Variants in RNF11 observed in about 807,000 individuals in gnomAD.
RNF11 encodes the protein ring finger protein 11.
RNF11 carries 4 observed loss-of-function variants against 15.8 expected under a neutral mutation model. That is an observed-to-expected ratio of 0.25 (90% CI 0.12 to 0.58). The LOEUF is 0.58. Ranked by LOEUF, RNF11 falls within the 20% of genes least tolerant of loss-of-function variation. The pLI is 0.91. For synonymous variants in RNF11, 68 were observed against 72.3 expected, an observed-to-expected ratio of 0.94 and a Z score of 0.30; for missense variants, 139 against 194.4, an observed-to-expected ratio of 0.71 and a Z score of 1.70.
chr1:51,250,922 G>T lies in RNF11; in HGVS notation c.123+14043G>T, dbSNP rs376949111. Reference sequence around the variant, plus strand: ...GGTGCACCAGTGCAGAGCCGCAGCGGCCTGTCACCTTGCAAGGGACGGTGT... The same window carrying T: ...GGTGCACCAGTGCAGAGCCGCAGCGTCCTGTCACCTTGCAAGGGACGGTGT... On this transcript the variant is annotated intron_variant, in intron 1 of 2. Coordinates refer to ENST00000242719, the MANE Select transcript of RNF11 (RefSeq NM_014372.5). 9 of 1,113,662 alleles carry T rather than the reference G, an allele frequency of 8.1e-6. No individual in the cohort carries two copies. In the African/African-American group the frequency reaches 1.2e-4, roughly 15 times the overall value. 69.0% of individuals were successfully genotyped at this position (1,113,662 alleles called of 1,614,324 possible).
chr1:51,262,685 T>G (rs1392116795), intron 1 of RNF11, among the ~76,000 whole-genome samples: 1 of 151,460 alleles, frequency 6.6e-6, no homozygotes, highest in Non-Finnish European at 1.5e-5. Context: ...TAGTTGGGAT[T>G]ACAGGTGTGC....
chr1:51,263,385 A>G (rs1325341578), intron 1 of RNF11, among the ~76,000 whole-genome samples: 2 of 152,222 alleles, frequency 1.3e-5, no homozygotes, highest in Non-Finnish European at 2.9e-5. Context: ...AAGTCGAGCC[A>G]CAAAAGACCA....
chr1:51,240,078 T>G (rs1646821869), intron 1 of RNF11, among the ~76,000 whole-genome samples: 1 of 152,238 alleles, frequency 6.6e-6, no homozygotes. Context: ...ACAGCCACAG[T>G]TATTTTGGTA....
At chr1:51,249,683 A>G (rs937024673) in intron 1 of RNF11, among the ~76,000 whole-genome samples, 6 of 152,136 alleles carry the variant, frequency 3.9e-5, no homozygotes, top group Non-Finnish European at 8.8e-5. Flanking sequence ...AAATTGTGTA[A>G]ATATACCACA....
At chr1:51,270,835 C>A (rs1569689728) in intron 2 of RNF11, among the ~76,000 whole-genome samples, 1 of 152,298 alleles carries the variant, frequency 6.6e-6, no homozygotes, top group African/African-American at 2.4e-5. Context: ...AAAATAATCC[C>A]ATTCTCCTTC....
chr1:51,257,511 A>G (rs577552375), intron 1 of RNF11, among the ~76,000 whole-genome samples: 8 of 152,220 alleles, frequency 5.3e-5, no homozygotes, highest in African/African-American at 7.2e-5. Flanking sequence ...ATGGAATACA[A>G]TGGCACAATC....
chr1:51,266,706 G>A (rs1035348648), intron 1 of RNF11, among the ~76,000 whole-genome samples: 10 of 152,112 alleles, frequency 6.6e-5, no homozygotes, highest in East Asian at 1.9e-4. Flanking sequence ...CAAGCTATCC[G>A]CCTGTCTTGG....
At chr1:51,238,488 C>G (rs566290141) in intron 1 of RNF11, among the ~76,000 whole-genome samples, 2 of 152,206 alleles carry the variant, frequency 1.3e-5, no homozygotes, top group East Asian at 3.9e-4. Flanking sequence ...AGGGACTCTC[C>G]CCTCGCTCAG....
Position 51,236,783 on chromosome 1 carries a change from C to G in RNF11, c.27C>G (p.Thr9=), listed in dbSNP as rs550027832. Residue 9 remains threonine, a synonymous_variant, in exon 1 of 3, where the codon ACC becomes ACG. Coordinates refer to ENST00000242719, the MANE Select transcript of RNF11 (RefSeq NM_014372.5). MGNCLKSP[T]SDDISLLHES... The stretch of plus-strand genomic sequence containing the variant: ...TGGGGAACTGCCTCAAATCCCCCAC[C>G]TCGGATGACATCTCCCTGCTTCACG... 3 of 1,613,508 alleles carry G rather than the reference C, an allele frequency of 1.9e-6. No individual in the cohort carries two copies.
chr1:51,242,325 C>CT (rs57821900), intron 1 of RNF11, among the ~76,000 whole-genome samples: 2,222 of 131,096 alleles, frequency 0.017, 20 homozygotes, highest in African/African-American at 0.024. Context: ...TTCAAGATAC[C>CT]TTTTTTTTTT....
rs202164788 is a variant in RNF11, at chr1:51,237,412, TTG to T, written c.123+545_123+546del. Reference sequence around the variant, plus strand: ...TTTAACCCTAGCGACATCGAGTTACTTGTGTGTGTGTGTATATATATATATAT... The same window carrying T: ...TTTAACCCTAGCGACATCGAGTTACTTGTGTGTGTGTATATATATATATAT... On this transcript the variant is annotated intron_variant, in intron 1 of 2. Transcript: ENST00000242719. Among the ~76,000 whole-genome samples, 976 of 143,184 alleles carry T rather than the reference TTG, an allele frequency of 6.8e-3. 14 individuals are homozygous for T. The highest frequency in any genetic ancestry group is 0.024 in the African/African-American group (907 of 37,754). 93.9% of individuals were successfully genotyped at this position (143,184 alleles called of 152,430 possible).
chr1:51,239,758 A>T (rs189570126), intron 1 of RNF11, among the ~76,000 whole-genome samples: 67 of 152,288 alleles, frequency 4.4e-4, no homozygotes, highest in Non-Finnish European at 8.5e-4. Context: ...TTTTCAACAA[A>T]TTATATGTAA....
intron 1 of RNF11, among the ~76,000 whole-genome samples, chr1:51,253,814 T>TTTTA (rs1262416768): frequency 6.3e-4 from 96 of 152,286 alleles, no homozygotes; most frequent in African/African-American, 2.2e-3. Context: ...TTTTAGAATA[T>TTTTA]TTTATTTGTA....
At position 51,273,202 on chromosome 1, in the gene RNF11, ACTTTT is replaced by A. The variant is rs1332989745; in HGVS notation, c.*1886_*1890del. 4.6e-5 allele frequency: 7 copies of A among 152,078 alleles called. No individual in the cohort carries two copies. The highest frequency in any genetic ancestry group is 8.8e-5 in the Non-Finnish European group (6 of 67,990). 9.4% of individuals were successfully genotyped at this position (152,078 alleles called of 1,614,324 possible). The stretch of plus-strand genomic sequence containing the variant: ...CTGTGTCATCAAGTATTATAGTCAG[ACTTTT>A]CTTTTTTTCTAGATTGTTAAAATTG... On this transcript the variant is annotated 3_prime_UTR_variant, in exon 3 of 3. Coordinates refer to ENST00000242719, the MANE Select transcript of RNF11 (RefSeq NM_014372.5).
chr1:51,263,399 A>G (rs1331034274), intron 1 of RNF11, among the ~76,000 whole-genome samples: 1 of 152,210 alleles, frequency 6.6e-6, no homozygotes, highest in Non-Finnish European at 1.5e-5. Flanking sequence ...AAGACCACAT[A>G]TTAGTATGAT....
chr1:51,263,090 C>T (rs748842680), intron 1 of RNF11, among the ~76,000 whole-genome samples: 3 of 152,042 alleles, frequency 2.0e-5, no homozygotes, highest in Non-Finnish European at 4.4e-5. Flanking sequence ...ATACAGCTCT[C>T]GATGGGATTG....
intron 1 of RNF11, among the ~76,000 whole-genome samples, chr1:51,243,011 T>C (rs1646837126): frequency 6.6e-6 from 1 of 152,212 alleles, no homozygotes; most frequent in Admixed American, 6.5e-5. Flanking sequence ...ATCAACTAAC[T>C]CCACCTTTGT....
At chr1:51,241,292 T>G (rs1423596790) in intron 1 of RNF11, among the ~76,000 whole-genome samples, 1 of 152,066 alleles carries the variant, frequency 6.6e-6, no homozygotes, top group Non-Finnish European at 1.5e-5. Context: ...AGAGATGAGG[T>G]CTTGCTGTGT....
chr1:51,237,223 C>T (rs895768938), intron 1 of RNF11, among the ~76,000 whole-genome samples: 7 of 151,886 alleles, frequency 4.6e-5, no homozygotes, highest in African/African-American at 1.7e-4. Context: ...CATCGCACCG[C>T]CAACTGGATT....
Sources: gnomAD v4.1 joint callset for allele counts (sites outside exome capture counted in the v4.1 genomes callset) on GRCh38, gnomAD v4.1.1 for gene constraint, MANE v1.5 for transcripts, NCBI Gene and HGNC (gene_info 2026-07-23, HGNC 2026-07-21) for gene names.